Variants in SGO2 observed in about 807,000 individuals in gnomAD.
SGO2 encodes shugoshin 2.
SGO2 carries 68 observed loss-of-function variants against 99.5 expected under a neutral mutation model. The observed-to-expected ratio is 0.68, with a 90% CI of 0.56 to 0.84. SGO2 has a LOEUF of 0.84. Ranked by LOEUF, SGO2 falls within the 40% of genes least tolerant of loss-of-function variation. The pLI is 0.00. For missense variants in SGO2, 1,350 were observed against 1,436.7 expected (o/e 0.94, Z 0.97); for synonymous variants, 457 against 487.1 (o/e 0.94, Z 0.81).
intron 5 of SGO2, among the ~76,000 whole-genome samples, chr2:200,552,641 G>A (rs2032541823): frequency 1.3e-5 from 2 of 152,132 alleles, no homozygotes; most frequent in Non-Finnish European, 2.9e-5. Context: ...AATTGTCATG[G>A]TGCTGGTGGG....
Position 200,542,496 on chromosome 2 carries a change from T to A in SGO2, c.388-83T>A. 4.1e-6 allele frequency: 4 copies of A among 978,458 alleles called. No individual in the cohort carries two copies. In the Admixed American group the frequency reaches 7.2e-5, roughly 18 times the overall value. The allele number at this position is 978,458 out of a possible 1,614,324, so 60.6% of individuals were successfully genotyped here. A position where few individuals can be genotyped will look rare whatever the true frequency, so the allele number is the denominator to read the frequency against. ...AAAAATTGTTCTTTTACTATTAATG[T>A]CATTGTATAATTTGGTACTGTGATA... On this transcript the variant is annotated intron_variant, in intron 4 of 8. Coordinates refer to ENST00000357799, the MANE Select transcript of SGO2 (RefSeq NM_152524.6).
intron 5 of SGO2, among the ~76,000 whole-genome samples, chr2:200,550,637 A>G (rs1224707112): frequency 1.3e-5 from 2 of 152,210 alleles, no homozygotes; most frequent in Non-Finnish European, 2.9e-5. Flanking sequence ...AACTATATGC[A>G]GAAGAATGAA....
intron 5 of SGO2, among the ~76,000 whole-genome samples, chr2:200,558,929 A>C (rs538442013): frequency 6.6e-6 from 1 of 151,606 alleles, no homozygotes; most frequent in South Asian, 2.1e-4. Context: ...CAGCCTCCTG[A>C]GTAACTGGGA....
intron 5 of SGO2, among the ~76,000 whole-genome samples, chr2:200,566,175 C>T (rs2033179437): frequency 6.6e-6 from 1 of 152,190 alleles, no homozygotes; most frequent in African/African-American, 2.4e-5. Context: ...CAGCTTTCTG[C>T]TCTGGTTTCT....
In SGO2 at chr2:200,571,676, G is replaced by T; in HGVS notation, c.1330G>T (p.Gly444Cys). 6.2e-7 allele frequency: 1 copy of T among 1,613,658 alleles called. No individual in the cohort carries two copies. Among genetic ancestry groups the T allele is most frequent in the Non-Finnish European group, 8.5e-7 (1 of 1,179,694 alleles). ...ERSDVLDGKR[G>C]AEDPGFIFNN... ...ATCTGATGTCCTGGATGGCAAAAGG[G>T]GTGCAGAAGATCCCGGTTTTATTTT... Residue 444 changes from glycine (G) to cysteine (C), a missense_variant, in exon 7 of 9, where the codon GGT becomes TGT. By Grantham distance (159) the Gly-to-Cys change is radical (BLOSUM62 -3). Coordinates refer to ENST00000357799, the MANE Select transcript of SGO2 (RefSeq NM_152524.6).
At chr2:200,554,522 TG>T (rs1267480168) in intron 5 of SGO2, among the ~76,000 whole-genome samples, 1 of 152,158 alleles carries the variant, frequency 6.6e-6, no homozygotes, top group African/African-American at 2.4e-5. Context: ...TGTCTGTAGG[TG>T]ACAAAAAGTC....
chr2:200,547,409 A>G (rs1248244119), intron 5 of SGO2, among the ~76,000 whole-genome samples: 1 of 152,240 alleles, frequency 6.6e-6, no homozygotes, highest in African/African-American at 2.4e-5. Context: ...CTGAAAGTAA[A>G]AAACACTACC....
intron 8 of SGO2, among the ~76,000 whole-genome samples, chr2:200,580,834 A>C (rs1028721720): frequency 2.0e-5 from 3 of 152,218 alleles, no homozygotes; most frequent in Non-Finnish European, 2.9e-5. Flanking sequence ...AATTAAAAAT[A>C]AAAATAAGTA....
intron 5 of SGO2, among the ~76,000 whole-genome samples, chr2:200,562,003 GGTTGCCT>G (rs1200952530): frequency 7.9e-5 from 12 of 152,108 alleles, no homozygotes; most frequent in African/African-American, 2.7e-4. Context: ...CCATTTTGTA[GGTTGCCT>G]GTTCACTCTG....
intron 2 of SGO2, among the ~76,000 whole-genome samples, chr2:200,534,444 C>T (rs561274838): frequency 3.1e-4 from 47 of 152,234 alleles, no homozygotes; most frequent in Admixed American, 5.2e-4. Context: ...TAAAAGGTCC[C>T]GTGGGGTTTA....
At chr2:200,560,962 G>A (rs906548395) in intron 5 of SGO2, among the ~76,000 whole-genome samples, 4 of 152,100 alleles carry the variant, frequency 2.6e-5, no homozygotes, top group Non-Finnish European at 5.9e-5. Context: ...TATAGAAAAC[G>A]TTTGTCTTTC....
chr2:200,539,052 A>G (rs2031833195), intron 4 of SGO2, among the ~76,000 whole-genome samples: 1 of 152,002 alleles, frequency 6.6e-6, no homozygotes, highest in African/African-American at 2.4e-5. Flanking sequence ...TACTTTTTCT[A>G]TGTTCTTTAA....
In SGO2 at chr2:200,572,090, T is replaced by C; in HGVS notation, c.1744T>C (p.Cys582Arg). ...TTCCACCAAAGATAATGGAAATTTA[T>C]GTGATTATGGGACCCACAATATATT... is the stretch of plus-strand genomic sequence containing the variant. ...NLSTKDNGNL[C>R]DYGTHNILDL... Residue 582 changes from cysteine (C) to arginine (R), a missense_variant, in exon 7 of 9, where the codon TGT becomes CGT. Transcript: ENST00000357799. 6.2e-7 allele frequency: 1 copy of C among 1,613,498 alleles called. No homozygotes were observed. The highest frequency in any genetic ancestry group is 8.5e-7 in the Non-Finnish European group (1 of 1,179,624).
At chr2:200,529,593 C>T (rs992200494) in intron 1 of SGO2, among the ~76,000 whole-genome samples, 6 of 152,194 alleles carry the variant, frequency 3.9e-5, no homozygotes, top group Non-Finnish European at 8.8e-5. Context: ...TTTGATCTCA[C>T]TCAGCTCACT....
intron 1 of SGO2, chr2:200,532,356 G>A (rs1574831950): frequency 1.0e-6 from 1 of 982,206 alleles, no homozygotes; most frequent in East Asian, 1.2e-4. Flanking sequence ...GCATGGGGAG[G>A]TTGGTCTTAC....
At chr2:200,575,265 C>G (rs1477289485) in intron 7 of SGO2, 46 bp from the exon 8 acceptor site, 4 of 1,289,584 alleles carry the variant, frequency 3.1e-6, no homozygotes, top group Non-Finnish European at 4.2e-6. Flanking sequence ...ATTTGTATCT[C>G]TATATACTTT....
intron 1 of SGO2, chr2:200,532,299 T>TAA: frequency 2.3e-6 from 1 of 434,202 alleles, no homozygotes; most frequent in Non-Finnish European, 3.0e-6. Context: ...TTTTTTTTTT[T>TAA]CAGATCTCTT....
intron 5 of SGO2, among the ~76,000 whole-genome samples, chr2:200,553,937 A>C (rs2032598836): frequency 6.6e-6 from 1 of 152,212 alleles, no homozygotes; most frequent in South Asian, 2.1e-4. Context: ...GTATGAGGCC[A>C]GTTTTCCCAA....
At chr2:200,558,564 T>A (rs1399760356) in intron 5 of SGO2, among the ~76,000 whole-genome samples, 2 of 152,126 alleles carry the variant, frequency 1.3e-5, no homozygotes, top group African/African-American at 4.8e-5. Context: ...TTTAAAAAAA[T>A]ATTTTTGCAT....
Sources: gnomAD v4.1 joint callset for allele counts (sites outside exome capture counted in the v4.1 genomes callset) on GRCh38, gnomAD v4.1.1 for gene constraint, MANE v1.5 for transcripts, NCBI Gene and HGNC (gene_info 2026-07-23, HGNC 2026-07-21) for gene names.